The following ABCA13 variants were observed in gnomAD, a reference collection of about 807,000 sequenced individuals.
The protein encoded by ABCA13 is ATP binding cassette subfamily A member 13.
In ABCA13, 476 loss-of-function variants were observed where a neutral mutation model predicts 478.7. That is an observed-to-expected ratio of 0.99 (90% CI 0.92 to 1.07). ABCA13 has a LOEUF of 1.07. Ranked by LOEUF, ABCA13 falls within the 50% of genes least tolerant of loss-of-function variation. ABCA13 has a pLI of 0.00. For missense variants in ABCA13, 6,060 were observed against 5,910.6 expected (o/e 1.03, Z -0.83); for synonymous variants, 2,252 against 2,158.9 (o/e 1.04, Z -1.20).
At chr7:48,437,779 T>G (rs1823039319) in intron 42 of ABCA13, among the ~76,000 whole-genome samples, 1 of 152,200 alleles carries the variant, frequency 6.6e-6, no homozygotes, top group Admixed American at 6.6e-5. Flanking sequence ...CCCTGGGTCT[T>G]GAGATCAGCC....
chr7:48,455,856 A>G (rs1825611225), intron 43 of ABCA13, among the ~76,000 whole-genome samples: 1 of 152,186 alleles, frequency 6.6e-6, no homozygotes, highest in African/African-American at 2.4e-5. Flanking sequence ...CACCAAATGA[A>G]TTTACGCAAG....
chr7:48,462,880 ACTC>A (rs1207274542), intron 43 of ABCA13, among the ~76,000 whole-genome samples: 1 of 151,656 alleles, frequency 6.6e-6, no homozygotes, highest in Non-Finnish European at 1.5e-5. Flanking sequence ...TCCTTTTAGA[ACTC>A]CTAGCACATC....
In ABCA13 at chr7:48,455,168, C is replaced by T; in HGVS notation, c.12697C>T (p.Pro4233Ser). 1 of 1,586,242 alleles carries T rather than the reference C, an allele frequency of 6.3e-7. No homozygotes were observed. The highest frequency in any genetic ancestry group is 8.6e-7 in the Non-Finnish European group (1 of 1,166,594). The change falls in exon 43 of 62, where the codon CCA becomes TCA. Residue 4233 changes from proline (P) to serine (S), a missense_variant. Around this residue, in one of 3 missense-constraint regions of ABCA13, gnomAD observed 1,627 missense variants for 1,571.0 expected, o/e 1.04. Coordinates refer to ENST00000435803, the MANE Select transcript of ABCA13 (RefSeq NM_152701.5). The part of the protein sequence containing the change: ...GKSTLADLLL[P>S]VLFVALAMGL... Reference sequence around the variant, plus strand: ...GAGCACCCTCGCCGACCTGCTGCTGCCAGTCCTCTTCGTGGCCTTGGCCAT... The same window carrying T: ...GAGCACCCTCGCCGACCTGCTGCTGTCAGTCCTCTTCGTGGCCTTGGCCAT...
intron 55 of ABCA13, among the ~76,000 whole-genome samples, chr7:48,547,497 G>T (rs1488289341): frequency 1.3e-5 from 2 of 151,936 alleles, no homozygotes; most frequent in African/African-American, 2.4e-5. Flanking sequence ...GCCCCATGTA[G>T]ATCTGTATTA....
In ABCA13 at chr7:48,490,958, G is replaced by T. The variant is rs1208709922; in HGVS notation, c.13291+1614G>T. On this transcript the variant is annotated intron_variant, in intron 48 of 61. Transcript: ENST00000435803. Reference sequence around the variant, plus strand: ...CTCACAATTTTGAGGTTAAGGCCAGGATGAATCCAGAGGAAAAAAATGATA... The same window carrying T: ...CTCACAATTTTGAGGTTAAGGCCAGTATGAATCCAGAGGAAAAAAATGATA... Among the ~76,000 whole-genome samples, 4 of 152,286 alleles carry T rather than the reference G, an allele frequency of 2.6e-5. No homozygotes were observed. In the East Asian group the frequency reaches 5.8e-4, roughly 22 times the overall value.
At chr7:48,435,900 G>A (rs1195569572) in intron 42 of ABCA13, among the ~76,000 whole-genome samples, 1 of 149,788 alleles carries the variant, frequency 6.7e-6, no homozygotes, top group African/African-American at 2.4e-5. Flanking sequence ...TTAATATACT[G>A]TCAAATTTGG....
chr7:48,346,716 A>G (rs1418291520), intron 29 of ABCA13, among the ~76,000 whole-genome samples: 1 of 152,216 alleles, frequency 6.6e-6, no homozygotes, highest in African/African-American at 2.4e-5. Context: ...TACTTTTCAC[A>G]GCAATTTCAT....
intron 13 of ABCA13, among the ~76,000 whole-genome samples, chr7:48,247,536 C>T (rs766206032): frequency 3.4e-4 from 52 of 152,238 alleles, no homozygotes; most frequent in African/African-American, 3.6e-4. Flanking sequence ...ATTATTTTCT[C>T]GCTCTTCTGA....
intron 55 of ABCA13, among the ~76,000 whole-genome samples, chr7:48,549,913 GTTTC>G (rs1785155552): frequency 6.6e-6 from 1 of 151,760 alleles, no homozygotes; most frequent in Non-Finnish European, 1.5e-5. Context: ...GGGATTGTTT[GTTTC>G]TTTCTTGTAA....
At chr7:48,448,079 A>C (rs1365956811) in intron 42 of ABCA13, among the ~76,000 whole-genome samples, 1 of 152,204 alleles carries the variant, frequency 6.6e-6, no homozygotes, top group Non-Finnish European at 1.5e-5. Flanking sequence ...CCAGACTTCC[A>C]ATGGGCAGAT....
rs367685852 is a variant in ABCA13 at position 48,391,933 on chromosome 7, G to A, written c.11667G>A (p.Thr3889=). 4 of 1,613,550 alleles carry A rather than the reference G, an allele frequency of 2.5e-6. No homozygotes were observed. Among genetic ancestry groups the A allele is most frequent in the Non-Finnish European group, 3.4e-6 (4 of 1,179,790 alleles). The change falls in exon 38 of 62, where the codon ACG becomes ACA. Residue 3889 remains threonine (T), a synonymous_variant. Transcript: ENST00000435803. ...AGKTTIISML[T]GLHPPTSGTI... ...TTTTCTCTGGCAGATCCATGTTGACGGGGCTCCACCCTCCCACTTCTGGAA... is the reference window on the plus strand; with the variant it reads ...TTTTCTCTGGCAGATCCATGTTGACAGGGCTCCACCCTCCCACTTCTGGAA...
At chr7:48,436,038 C>T (rs1308693618) in intron 42 of ABCA13, among the ~76,000 whole-genome samples, 3 of 150,788 alleles carry the variant, frequency 2.0e-5, no homozygotes, top group Non-Finnish European at 4.4e-5. Context: ...TTGCCTCATA[C>T]AATGAATTAG....
chr7:48,546,311 C>G (rs1403394133), intron 55 of ABCA13, among the ~76,000 whole-genome samples: 1 of 151,888 alleles, frequency 6.6e-6, no homozygotes, highest in Admixed American at 6.6e-5. Context: ...TTCATTGTTG[C>G]AGAAAGTTTA....
At position 48,394,673 on chromosome 7, in the gene ABCA13, A is replaced by AT. The variant is rs542686156; in HGVS notation, c.11873+2543dup. On this transcript the variant is annotated intron_variant, in intron 38 of 61. Coordinates refer to ENST00000435803, the MANE Select transcript of ABCA13 (RefSeq NM_152701.5). The stretch of plus-strand genomic sequence containing the variant: ...AGCATTCTTTGAGTTGAATAACTGG[A>AT]TTTTTTTTTCAATTTTTATTTTTAT... Among the ~76,000 whole-genome samples the AT allele has an allele frequency of 6.6e-5, 10 of 151,174 alleles. No homozygotes were observed. In the South Asian group the frequency reaches 1.3e-3, roughly 19 times the overall value.
intron 48 of ABCA13, among the ~76,000 whole-genome samples, chr7:48,498,255 T>C (rs1472961550): frequency 4.6e-5 from 7 of 152,160 alleles, no homozygotes. Flanking sequence ...AAGGCAGATA[T>C]TGCTAAAAAG....
intron 43 of ABCA13, among the ~76,000 whole-genome samples, chr7:48,457,187 C>G (rs1290015481): frequency 1.3e-5 from 2 of 151,788 alleles, no homozygotes; most frequent in African/African-American, 2.4e-5. Context: ...TAATAGGCAG[C>G]TCTTTGATTA....
At chr7:48,286,360 C>T (rs1048334956) in intron 19 of ABCA13, among the ~76,000 whole-genome samples, 1 of 152,174 alleles carries the variant, frequency 6.6e-6, no homozygotes, top group African/African-American at 2.4e-5. Flanking sequence ...CCCCTAGCAA[C>T]CACGGATCTT....
At chr7:48,178,481 C>A (rs1240414078) in intron 1 of ABCA13, among the ~76,000 whole-genome samples, 3 of 152,050 alleles carry the variant, frequency 2.0e-5, no homozygotes, top group African/African-American at 7.2e-5. Context: ...TTGAGACCAG[C>A]TTGGCCAACA....
intron 5 of ABCA13, among the ~76,000 whole-genome samples, chr7:48,226,766 A>G (rs1788270046): frequency 6.6e-6 from 1 of 152,200 alleles, no homozygotes; most frequent in Admixed American, 6.5e-5. Context: ...AGCCTCGGGT[A>G]TCTAGAGAAA....
Sources: gnomAD v4.1 joint callset for allele counts (sites outside exome capture counted in the v4.1 genomes callset) on GRCh38, gnomAD v4.1.1 for gene constraint, gnomAD v4.1.1 regional missense constraint, MANE v1.5 for transcripts, NCBI Gene and HGNC (gene_info 2026-07-23, HGNC 2026-07-21) for gene names.